ALS2CL: variants seen among roughly 807,000 people sequenced by gnomAD.
ALS2CL encodes ALS2 C-terminal-like protein.
A neutral mutation model predicts 127.9 loss-of-function variants in ALS2CL; 112 were observed. That is an observed-to-expected ratio of 0.88 (90% CI 0.75 to 1.02). The LOEUF is 1.02. Among genes scored for constraint, ALS2CL ranks in the 50% least tolerant of loss-of-function variants. The pLI is 0.00. For synonymous variants in ALS2CL, 519 were observed against 527.6 expected (o/e 0.98, Z 0.22); for missense variants, 1,174 against 1,236.7 (o/e 0.95, Z 0.76).
intron 2 of ALS2CL, among the ~76,000 whole-genome samples, 155 bp downstream of exon 2, chr3:46,689,183 C>A (rs1334384757): frequency 6.6e-6 from 1 of 152,216 alleles, no homozygotes; most frequent in Non-Finnish European, 1.5e-5. Context: ...GAGCCAAGAT[C>A]GCACCACCTG....
At position 46,676,372 on chromosome 3, in the gene ALS2CL, T is replaced by G. The variant is rs915598752; in HGVS notation, c.2059A>C (p.Lys687Gln). Residue 687 changes from lysine to glutamine, a missense_variant, in exon 19 of 26, where the codon AAG (lysine) becomes CAG (glutamine). Transcript: ENST00000318962. ...GTCAGCATCAGTGTCCGGAGCAGCT[T>G]TCCCAGGGGGTGCAGTGAGTTGCTC... Reference protein sequence around the residue: ...ALSNSLHPLGKLLRTLMLTFQ... With the variant: ...ALSNSLHPLGQLLRTLMLTFQ... The G allele has an allele frequency of 3.1e-6, 5 of 1,613,910 alleles. No homozygotes were observed. The highest frequency in any genetic ancestry group is 4.2e-6 in the Non-Finnish European group (5 of 1,179,978).
At chr3:46,671,158 T>A in intron 25 of ALS2CL, 94 bp from the exon 26 acceptor site, 1 of 1,345,118 alleles carries the variant, frequency 7.4e-7, no homozygotes, top group Non-Finnish European at 1.1e-6. Context: ...TGCACCCACC[T>A]CCCAACCCAG....
chr3:46,674,356 C>A (rs115154931), intron 21 of ALS2CL, among the ~76,000 whole-genome samples: 1 of 152,168 alleles, frequency 6.6e-6, no homozygotes, highest in African/African-American at 2.4e-5. Flanking sequence ...TTTGTCACCA[C>A]AAGGGGGAGG....
intron 20 of ALS2CL, 146 bp from the exon 21 acceptor site, chr3:46,674,885 C>T (rs1698688404): frequency 1.3e-6 from 1 of 741,376 alleles, no homozygotes; most frequent in Non-Finnish European, 2.1e-6. Flanking sequence ...TTTTCCAAGC[C>T]TGTTCTCAGT....
At chr3:46,693,317 C>G (rs1287438268) in intron 1 of ALS2CL, among the ~76,000 whole-genome samples, 1 of 152,268 alleles carries the variant, frequency 6.6e-6, no homozygotes, top group Non-Finnish European at 1.5e-5. Context: ...AATCCCGGGT[C>G]GGGCCCTTCC....
chr3:46,677,172 G>C (rs188242812), intron 16 of ALS2CL, 150 bp from the exon 17 acceptor site: 458 of 1,440,860 alleles, frequency 3.2e-4, no homozygotes, highest in Admixed American at 6.6e-4. Context: ...CATGCAGAGG[G>C]GGCTGACCTC....
At chr3:46,679,450 T>A in intron 14 of ALS2CL, 163 bp from the exon 15 acceptor site, 1 of 560,774 alleles carries the variant, frequency 1.8e-6, no homozygotes, top group Non-Finnish European at 3.0e-6. Flanking sequence ...ATTGGGACTC[T>A]AGCCTTTGGC....
At chr3:46,679,705 G>C (rs1360846799) in intron 14 of ALS2CL, 2 of 157,546 alleles carry the variant, frequency 1.3e-5, no homozygotes, top group African/African-American at 4.8e-5. Context: ...TTAGTGTTCG[G>C]CTTATTTCCA....
At chr3:46,677,184 A>G in intron 16 of ALS2CL, 162 bp from the exon 17 acceptor site, 3 of 1,428,694 alleles carry the variant, frequency 2.1e-6, no homozygotes, top group Non-Finnish European at 2.7e-6. Context: ...GCTGACCTCC[A>G]CGGCTCCAGG....
chr3:46,684,049 T>G lies in ALS2CL; in HGVS notation c.787-2A>C. 1 of 1,553,822 alleles carries G rather than the reference T, an allele frequency of 6.4e-7. No individual in the cohort carries two copies. The highest frequency in any genetic ancestry group is 8.7e-7 in the Non-Finnish European group (1 of 1,148,334). ...ATCAAAGGTGTGGACATTGTGGCCC[T>G]GGAAGAGGATGGACACAGGAGTCAT... On this transcript the variant is annotated splice_acceptor_variant, in intron 7 of 25. Coordinates refer to ENST00000318962, the MANE Select transcript of ALS2CL (RefSeq NM_147129.5). LOFTEE classifies it high-confidence loss of function.
In ALS2CL at chr3:46,686,565, C is replaced by A; in HGVS notation, c.535-126G>T. On this transcript the variant is annotated intron_variant, in intron 5 of 25. Transcript: ENST00000318962. This position sits in a 1 kb window ranked among gnomAD's most constrained non-coding sequence, Gnocchi z 4.3. The stretch of plus-strand genomic sequence containing the variant: ...CCTTGCCCTTCTCTCCCTGACAGCT[C>A]CTCTTCTGCTGGTGGGGCAGGGGGT... 1 of 1,317,838 alleles carries A rather than the reference C, an allele frequency of 7.6e-7. No individual in the cohort carries two copies. Among genetic ancestry groups the A allele is most frequent in the South Asian group, 1.5e-5 (1 of 64,776 alleles). The allele number at this position is 1,317,838 out of a possible 1,614,324, so 81.6% of individuals were successfully genotyped here.
intron 10 of ALS2CL, 102 bp from the exon 11 acceptor site, chr3:46,682,196 G>T (rs1699408193): frequency 7.9e-7 from 1 of 1,271,494 alleles, no homozygotes; most frequent in Non-Finnish European, 1.1e-6. Context: ...CCCTTGGACT[G>T]GGCTCCCTGC....
intron 22 of ALS2CL, 113 bp downstream of exon 22, chr3:46,673,226 G>T: frequency 1.2e-5 from 8 of 654,398 alleles, no homozygotes; most frequent in South Asian, 1.8e-5. Flanking sequence ...AACCCACCCT[G>T]CCCCTCCCCA....
In ALS2CL at chr3:46,685,559, A is replaced by C; in HGVS notation, c.752T>G (p.Val251Gly). 1 of 1,614,034 alleles carries C rather than the reference A, an allele frequency of 6.2e-7. No individual in the cohort carries two copies. Residue 251 changes from valine (V) to glycine (G), a missense_variant, in exon 7 of 26, where the codon GTG (valine) becomes GGG (glycine). Coordinates refer to ENST00000318962, the MANE Select transcript of ALS2CL (RefSeq NM_147129.5). The stretch of plus-strand genomic sequence containing the variant: ...GACGAGGGCATCATCAAAGAGCAGC[A>C]CACGCTCAGCCCGCAACGGTGCGAC... The part of the protein sequence containing the change: ...VTVAPLRAER[V>G]LLFDDALVLL...
At chr3:46,671,634 C>A in intron 24 of ALS2CL, 50 bp from the exon 25 acceptor site, 1 of 1,612,690 alleles carries the variant, frequency 6.2e-7, no homozygotes, top group Non-Finnish European at 8.5e-7. Flanking sequence ...GGAGAAGAGG[C>A]CTGTCGCGGA....
rs1434723049 is a variant in ALS2CL, at chr3:46,693,629, C to T, written c.-26+14G>A. 1 of 152,314 alleles carries T rather than the reference C, an allele frequency of 6.6e-6. No individual in the cohort carries two copies. Among genetic ancestry groups the T allele is most frequent in the Non-Finnish European group, 1.5e-5 (1 of 68,088 alleles). 9.4% of individuals were successfully genotyped at this position (152,314 alleles called of 1,614,324 possible). On this transcript the variant is annotated intron_variant, in intron 1 of 25. Coordinates refer to ENST00000318962, the MANE Select transcript of ALS2CL (RefSeq NM_147129.5). ...CACCCGTCCGCAGACGCGCGCCCTT[C>T]GTCGCGCCCTTACCTGAGCGCTGTG... is the stretch of plus-strand genomic sequence containing the variant.
chr3:46,685,403 C>G, intron 7 of ALS2CL, 122 bp downstream of exon 7: 1 of 1,489,162 alleles, frequency 6.7e-7, no homozygotes, highest in Non-Finnish European at 9.1e-7. Flanking sequence ...CCTTTCTATC[C>G]CTGACCATCC....
Position 46,687,500 on chromosome 3 carries a change from C to T in ALS2CL, c.368+119G>A. The stretch of plus-strand genomic sequence containing the variant: ...AGTGCAGATTTGTAGAGCCAGGAGT[C>T]CTCCAGGATGAGTTGTGGGCTGTGA... On this transcript the variant is annotated intron_variant, in intron 4 of 25. Transcript: ENST00000318962. The T allele has an allele frequency of 4.3e-6, 5 of 1,156,904 alleles. No homozygotes were observed. The South Asian group carries it at 7.3e-5, about 17-fold the overall frequency. The allele number at this position is 1,156,904 out of a possible 1,614,324, so 71.7% of individuals were successfully genotyped here.
rs747758849 is a variant in ALS2CL at position 46,683,195 on chromosome 3, C to T, written c.1044G>A (p.Gln348=). ...TGGCCTGGCAGAGCCGGCCCTCTGC[C>T]TGGAAGGTATATTCTGCGCAGCGGC... The part of the protein sequence containing the change: ...PDCRCAEYTF[Q]AEGRLCQATY... The change falls in exon 10 of 26, where the codon CAG becomes CAA. Residue 348 remains glutamine (Q), a synonymous_variant. Transcript: ENST00000318962. 14 of 1,607,110 alleles carry T rather than the reference C, an allele frequency of 8.7e-6. No homozygotes were observed. In the East Asian group the frequency reaches 2.2e-4, roughly 26 times the overall value.
Sources: gnomAD v4.1 joint callset for allele counts (sites outside exome capture counted in the v4.1 genomes callset) on GRCh38, gnomAD v4.1.1 for gene constraint, Gnocchi (gnomAD v3.1) non-coding constraint, MANE v1.5 for transcripts, NCBI Gene and HGNC (gene_info 2026-07-23, HGNC 2026-07-21) for gene names.